ARMC6: variants seen among roughly 807,000 people sequenced by gnomAD.
The protein encoded by ARMC6 is armadillo repeat containing 6.
In ARMC6, 43 loss-of-function variants were observed where a neutral mutation model predicts 49.2. The ratio of observed to expected loss-of-function variants is 0.87; its 90% CI spans 0.69 to 1.13. The LOEUF (loss-of-function observed/expected upper bound fraction) is 1.13. Among genes scored for constraint, ARMC6 ranks in the 50% most tolerant of loss-of-function variants. The pLI is 0.00. For missense variants in ARMC6, 627 were observed against 682.0 expected, an observed-to-expected ratio of 0.92 and a Z score of 0.90; for synonymous variants, 262 against 289.6, an observed-to-expected ratio of 0.90 and a Z score of 0.97.
At chr19:19,042,546 G>T (rs2059418830) in intron 2 of ARMC6, among the ~76,000 whole-genome samples, 165 bp from the exon 3 acceptor site, 10 of 152,176 alleles carry the variant, frequency 6.6e-5, no homozygotes, top group Admixed American at 6.5e-4. Context: ...AGGGAAGTAG[G>T]GATATCACCC....
intron 5 of ARMC6, among the ~76,000 whole-genome samples, chr19:19,053,110 C>T (rs755346824): frequency 1.3e-5 from 2 of 152,162 alleles, no homozygotes; most frequent in African/African-American, 2.4e-5. Context: ...GTCCCCTTTT[C>T]GGGGAAACAC....
chr19:19,044,436 T>A (rs1048892004), intron 4 of ARMC6, among the ~76,000 whole-genome samples: 1 of 152,210 alleles, frequency 6.6e-6, no homozygotes, highest in African/African-American at 2.4e-5. Context: ...GGCTGTCACT[T>A]ACTGAGCACT....
In ARMC6 at chr19:19,033,645, G is replaced by C. The variant is rs1403788197; in HGVS notation, c.-365G>C. The C allele has an allele frequency of 9.8e-7, 1 of 1,024,504 alleles. No individual in the cohort carries two copies. The highest frequency in any genetic ancestry group is 1.2e-6 in the Non-Finnish European group (1 of 821,688). The allele number at this position is 1,024,504 out of a possible 1,614,324, so 63.5% of individuals were successfully genotyped here. On this transcript the variant is annotated 5_prime_UTR_variant, in exon 1 of 9. Transcript: ENST00000535612. Reference sequence around the variant, plus strand: ...CGCAAGCGCGCTGTCCGCTTCTTCTGGGCGGACGCTCTGGAGGCAAAACAT... The same window carrying C: ...CGCAAGCGCGCTGTCCGCTTCTTCTCGGCGGACGCTCTGGAGGCAAAACAT...
intron 4 of ARMC6, among the ~76,000 whole-genome samples, chr19:19,048,877 T>C (rs2059473288): frequency 6.6e-6 from 1 of 152,140 alleles, no homozygotes; most frequent in South Asian, 2.1e-4. Context: ...GGCTGGAACT[T>C]GGTGTCTTAT....
chr19:19,044,978 T>A (rs1433258714), intron 4 of ARMC6, among the ~76,000 whole-genome samples: 1 of 152,190 alleles, frequency 6.6e-6, no homozygotes, highest in Admixed American at 6.5e-5. Context: ...TTGCCTTTCT[T>A]GCCTAATAAG....
At chr19:19,046,171 C>CT (rs1157757004) in intron 4 of ARMC6, among the ~76,000 whole-genome samples, 1 of 151,186 alleles carries the variant, frequency 6.6e-6, no homozygotes, top group Non-Finnish European at 1.5e-5. Flanking sequence ...ACATTCGCTC[C>CT]TTTTTTTTTC....
At position 19,055,201 on chromosome 19, in the gene ARMC6, C is replaced by T. The variant is rs1033353390; in HGVS notation, c.1024-64C>T. 1.3e-6 allele frequency: 2 copies of T among 1,516,424 alleles called. No individual in the cohort carries two copies. Among genetic ancestry groups the T allele is most frequent in the Admixed American group, 2.2e-5 (1 of 46,432 alleles). 93.9% of individuals were successfully genotyped at this position (1,516,424 alleles called of 1,614,324 possible). On this transcript the variant is annotated intron_variant, in intron 6 of 8. Coordinates refer to ENST00000535612, the MANE Select transcript of ARMC6 (RefSeq NM_001199196.2). The surrounding 1 kb of genome is among the most constrained non-coding windows in gnomAD (Gnocchi z 5.7). ...AACAGCAAAACAGCCCCACATTCTC[C>T]CTCAGAGCCCTCTCCCACAACCAGC...
intron 3 of ARMC6, among the ~76,000 whole-genome samples, chr19:19,043,104 G>C (rs1394303026): frequency 2.6e-5 from 4 of 152,232 alleles, no homozygotes; most frequent in Non-Finnish European, 5.9e-5. Context: ...TCCTTCTCAT[G>C]AGTCTCATTT....
Position 19,052,061 on chromosome 19 carries a change from G to C in ARMC6, c.719G>C (p.Arg240Thr). 1 of 1,613,976 alleles carries C rather than the reference G, an allele frequency of 6.2e-7. No individual in the cohort carries two copies. The highest frequency in any genetic ancestry group is 8.5e-7 in the Non-Finnish European group (1 of 1,180,048). Residue 240 changes from arginine (R) to threonine (T), a missense_variant, in exon 5 of 9, where the codon AGG (arginine) becomes ACG (threonine). Arg to Thr is a moderately conservative substitution (Grantham distance 71). Coordinates refer to ENST00000535612, the MANE Select transcript of ARMC6 (RefSeq NM_001199196.2). The stretch of plus-strand genomic sequence containing the variant: ...CATGGCCACCACACTGACGTGGTCA[G>C]GGAAGCCTGCTGGGCCCTGCGTGTC... ...THHGHHTDVV[R>T]EACWALRVMT...
At chr19:19,046,243 CTGG>C (rs2059449409) in intron 4 of ARMC6, among the ~76,000 whole-genome samples, 1 of 152,104 alleles carries the variant, frequency 6.6e-6, no homozygotes, top group Admixed American at 6.6e-5. Context: ...GTCGCCCAGG[CTGG>C]AGTGCAGTGG....
At position 19,054,218 on chromosome 19, in the gene ARMC6, A is replaced by G. The variant is rs1338686878; in HGVS notation, c.920A>G (p.Asn307Ser). ...ACCCTGTCCCGCCTGGCCATTCGCA[A>G]CGAGTTCTGCCAGGAGGTCGTCGAC... ...CGTLSRLAIR[N>S]EFCQEVVDLG... The change falls in exon 6 of 9, where the codon AAC becomes AGC. Residue 307 changes from asparagine (N) to serine (S), a missense_variant. Transcript: ENST00000535612. 1.2e-6 allele frequency: 2 copies of G among 1,611,934 alleles called. No homozygotes were observed. Among genetic ancestry groups the G allele is most frequent in the East Asian group, 2.2e-5 (1 of 44,542 alleles).
intron 4 of ARMC6, among the ~76,000 whole-genome samples, chr19:19,047,433 C>T (rs2059460771): frequency 6.6e-6 from 1 of 152,114 alleles, no homozygotes; most frequent in Admixed American, 6.5e-5. Context: ...TTGTTGCAAA[C>T]AGGCTTGTAG....
rs1317745616 is a variant in ARMC6, at chr19:19,058,044, GC to G, written c.*418del. On this transcript the variant is annotated 3_prime_UTR_variant, in exon 9 of 9. Transcript: ENST00000535612. ...TGCTGCTTACTGCAGTTTCATGCAGGCCTCTGCTCCTTGTCTTTCTTACCTG... is the reference window on the plus strand; with the variant it reads ...TGCTGCTTACTGCAGTTTCATGCAGGCTCTGCTCCTTGTCTTTCTTACCTG... 1.0e-5 allele frequency: 3 copies of G among 296,652 alleles called. No individual in the cohort carries two copies. The highest frequency in any genetic ancestry group is 9.4e-5 in the Admixed American group (2 of 21,200). 18.4% of individuals were successfully genotyped at this position (296,652 alleles called of 1,614,324 possible).
rs558292693 is a variant in ARMC6 at position 19,048,165 on chromosome 19, A to G, written c.280-3457A>G. On this transcript the variant is annotated intron_variant, in intron 4 of 8. Transcript: ENST00000535612. ...GTTCGAGACCAGCCTGGCCAACATG[A>G]TGAAACCCCGTCTCTACTAAAAATA... 4.9e-4 allele frequency among the ~76,000 whole-genome samples: 75 copies of G among 152,158 alleles called. 1 individual carries two copies. The highest frequency in any genetic ancestry group is 1.7e-3 in the African/African-American group (72 of 41,516).
chr19:19,052,523 C>CG (rs750981068), intron 5 of ARMC6, among the ~76,000 whole-genome samples: 5 of 152,010 alleles, frequency 3.3e-5, no homozygotes, highest in Admixed American at 6.6e-5. Context: ...TAAGAGGACT[C>CG]GGGGGGGCTG....
rs985022064 is a variant in ARMC6, at chr19:19,033,783, G to A, written c.-227G>A. ...TTACCTTGGTTCGCGGTCGTCCTTG[G>A]TTATCGTGAGCGTCCGCGAGTCTCT... On this transcript the variant is annotated 5_prime_UTR_variant, in exon 1 of 9. Coordinates refer to ENST00000535612, the MANE Select transcript of ARMC6 (RefSeq NM_001199196.2). The A allele has an allele frequency of 4.0e-6, 1 of 250,700 alleles. No individual in the cohort carries two copies. Among genetic ancestry groups the A allele is most frequent in the Non-Finnish European group, 7.6e-6 (1 of 131,124 alleles). The allele number at this position is 250,700 out of a possible 1,614,324, so 15.5% of individuals were successfully genotyped here.
chr19:19,056,983 G>A (rs976157319), intron 8 of ARMC6, among the ~76,000 whole-genome samples: 7 of 152,220 alleles, frequency 4.6e-5, no homozygotes, highest in Admixed American at 2.0e-4. Flanking sequence ...GCAGTGCCCC[G>A]CGCCCACCCA....
chr19:19,052,292 A>T, intron 5 of ARMC6, 97 bp downstream of exon 5: 19 of 1,151,930 alleles, frequency 1.6e-5, no homozygotes, highest in Non-Finnish European at 2.3e-5. Flanking sequence ...TAGGCACGGC[A>T]GGCTCAAGGC....
chr19:19,043,713 A>G (rs2059427132), intron 3 of ARMC6, among the ~76,000 whole-genome samples: 1 of 152,102 alleles, frequency 6.6e-6, no homozygotes, highest in South Asian at 2.1e-4. Flanking sequence ...AGCATGTGGC[A>G]CCTCACTGCA....
Sources: allele counts gnomAD v4.1 joint callset (sites outside exome capture counted in the v4.1 genomes callset), GRCh38; gene constraint gnomAD v4.1.1; non-coding constraint Gnocchi (gnomAD v3.1); transcripts MANE v1.5; gene names NCBI Gene and HGNC (gene_info 2026-07-23, HGNC 2026-07-21).